The following RASSF3 variants were observed in gnomAD, a reference collection of about 807,000 sequenced individuals.
RASSF3 encodes the protein Ras association domain family member 3.
A neutral mutation model predicts 19.9 loss-of-function variants in RASSF3; 19 were observed. The ratio of observed to expected loss-of-function variants is 0.96; its 90% CI spans 0.67 to 1.40. The LOEUF is 1.40. RASSF3 is among the 40% of genes most tolerant of loss of function. RASSF3 has a pLI of 0.00. For missense variants in RASSF3, 306 were observed against 289.8 expected (o/e 1.06, Z -0.41); for synonymous variants, 110 against 104.2 (o/e 1.06, Z -0.34).
At chr12:64,577,883 T>C (rs1346403294) in intron 2 of RASSF3, among the ~76,000 whole-genome samples, 1 of 152,082 alleles carries the variant, frequency 6.6e-6, no homozygotes, top group African/African-American at 2.4e-5. Flanking sequence ...GTCTCAATCA[T>C]GGTTTCTGCC....
chr12:64,664,747 A>T (rs1374021249), intron 1 of RASSF3, among the ~76,000 whole-genome samples: 1 of 152,194 alleles, frequency 6.6e-6, no homozygotes, highest in Admixed American at 6.5e-5. Context: ...ACAAAAATGA[A>T]GCCAAATCAC....
At chr12:64,573,531 T>A (rs758322459) in intron 2 of RASSF3, among the ~76,000 whole-genome samples, 1 of 152,214 alleles carries the variant, frequency 6.6e-6, no homozygotes, top group Non-Finnish European at 1.5e-5. Flanking sequence ...GGTGCCACAA[T>A]TGTTCTACAT....
intron 1 of RASSF3, among the ~76,000 whole-genome samples, chr12:64,528,099 C>A (rs1308644380): frequency 6.6e-6 from 1 of 151,980 alleles, no homozygotes; most frequent in Admixed American, 6.6e-5. Context: ...TCTCTAAACA[C>A]ACACACACAA....
At chr12:64,602,899 G>C (rs773491477) in intron 2 of RASSF3, among the ~76,000 whole-genome samples, 11 of 152,178 alleles carry the variant, frequency 7.2e-5, no homozygotes, top group Non-Finnish European at 1.5e-4. Context: ...AGGAGTTTGA[G>C]ACCAGCCTCG....
At chr12:64,589,639 C>A (rs1869881387) in intron 2 of RASSF3, among the ~76,000 whole-genome samples, 1 of 151,982 alleles carries the variant, frequency 6.6e-6, no homozygotes, top group East Asian at 1.9e-4. Flanking sequence ...AGGTGTTTGG[C>A]CAAGTGCAGT....
At chr12:64,641,668 C>T (rs1871537331) in intron 1 of RASSF3, among the ~76,000 whole-genome samples, 1 of 148,052 alleles carries the variant, frequency 6.8e-6, no homozygotes, top group South Asian at 2.1e-4. Flanking sequence ...TTACTGACTC[C>T]TAGGGGGCAT....
chr12:64,625,445 C>CTTT (rs398044420), intron 1 of RASSF3, among the ~76,000 whole-genome samples: 50 of 144,854 alleles, frequency 3.5e-4, no homozygotes, highest in African/African-American at 1.2e-3. Context: ...ACATTGTACA[C>CTTT]TTTTTTTTTT....
At chr12:64,678,907 G>T (rs552524276) in intron 1 of RASSF3, among the ~76,000 whole-genome samples, 22 of 152,166 alleles carry the variant, frequency 1.4e-4, no homozygotes, top group African/African-American at 5.3e-4. Context: ...GCCCAGAGAG[G>T]TTAAGTAACT....
intron 1 of RASSF3, among the ~76,000 whole-genome samples, chr12:64,624,047 G>C (rs745611764): frequency 3.3e-5 from 5 of 151,992 alleles, no homozygotes; most frequent in African/African-American, 4.8e-5. Flanking sequence ...TGCCATGCAG[G>C]GGTTTGATCC....
At chr12:64,605,243 C>T (rs1870170133) in intron 2 of RASSF3, among the ~76,000 whole-genome samples, 1 of 152,064 alleles carries the variant, frequency 6.6e-6, no homozygotes, top group Non-Finnish European at 1.5e-5. Context: ...GCCTCAGCCT[C>T]CCAAAGTGCT....
intron 1 of RASSF3, among the ~76,000 whole-genome samples, chr12:64,614,244 C>A (rs1461487185): frequency 6.6e-6 from 1 of 151,494 alleles, no homozygotes; most frequent in Non-Finnish European, 1.5e-5. Flanking sequence ...AACGATTCTC[C>A]TGCCTCAGCC....
At chr12:64,668,828 C>T (rs139965981) in intron 1 of RASSF3, among the ~76,000 whole-genome samples, 4,447 of 151,824 alleles carry the variant, frequency 0.029, 83 homozygotes, top group Middle Eastern at 0.044. Flanking sequence ...ACTACAGGCG[C>T]CTGCCACCGC....
At chr12:64,614,249 T>G (rs2136156265) in intron 1 of RASSF3, among the ~76,000 whole-genome samples, 1 of 151,310 alleles carries the variant, frequency 6.6e-6, no homozygotes, top group East Asian at 2.0e-4. Context: ...TTCTCCTGCC[T>G]CAGCCTCCCG....
intron 1 of RASSF3, among the ~76,000 whole-genome samples, chr12:64,683,355 A>G (rs187793566): frequency 5.9e-5 from 9 of 152,334 alleles, no homozygotes; most frequent in Non-Finnish European, 8.8e-5. Context: ...ATTTGTGATC[A>G]TGTCTGCTAC....
chr12:64,616,934 T>TA (rs1471714853), intron 1 of RASSF3, among the ~76,000 whole-genome samples: 1 of 152,244 alleles, frequency 6.6e-6, no homozygotes, highest in Non-Finnish European at 1.5e-5. Flanking sequence ...AGAAAAGTCT[T>TA]AAAGCCCGCT....
At chr12:64,688,959 C>G (rs944594179) in intron 3 of RASSF3, among the ~76,000 whole-genome samples, 3 of 152,144 alleles carry the variant, frequency 2.0e-5, no homozygotes, top group Non-Finnish European at 2.9e-5. Flanking sequence ...TCTCCTGTTG[C>G]CTTAGCTTGT....
intron 2 of RASSF3, among the ~76,000 whole-genome samples, chr12:64,564,006 G>C (rs1869389203): frequency 6.6e-6 from 1 of 152,206 alleles, no homozygotes; most frequent in Admixed American, 6.5e-5. Flanking sequence ...TGGGCATGGA[G>C]TGGGTTCTCA....
At chr12:64,641,257 G>C (rs909653823) in intron 1 of RASSF3, among the ~76,000 whole-genome samples, 1 of 151,504 alleles carries the variant, frequency 6.6e-6, no homozygotes, top group East Asian at 2.0e-4. Context: ...CTAGCTGGGC[G>C]TGGTGGTGTG....
intron 1 of RASSF3, among the ~76,000 whole-genome samples, chr12:64,630,415 A>G (rs1025825061): frequency 6.6e-6 from 1 of 151,932 alleles, no homozygotes; most frequent in Non-Finnish European, 1.5e-5. Flanking sequence ...AGTCCCAGCT[A>G]TTTGGGAGGC....
Sources: allele counts gnomAD v4.1 joint callset (sites outside exome capture counted in the v4.1 genomes callset), GRCh38; gene constraint gnomAD v4.1.1; transcripts MANE v1.5; gene names NCBI Gene and HGNC (gene_info 2026-07-23, HGNC 2026-07-21).